Variants in HERC3 observed in about 807,000 individuals in gnomAD.
The protein encoded by HERC3 is probable E3 ubiquitin-protein ligase HERC3.
A neutral mutation model predicts 129.9 loss-of-function variants in HERC3; 58 were observed. The observed-to-expected ratio is 0.45, with a 90% confidence interval of 0.36 to 0.56. The LOEUF is 0.56. Ranked by LOEUF, HERC3 falls within the 20% of genes least tolerant of loss-of-function variation. The pLI, the probability that HERC3 is intolerant of heterozygous loss-of-function variation, is 0.00. For synonymous variants in HERC3, 430 were observed against 451.0 expected, an observed-to-expected ratio of 0.95 and a Z score of 0.59; for missense variants, 835 against 1,244.2, an observed-to-expected ratio of 0.67 and a Z score of 4.95.
At chr4:88,585,160 T>C in the HERC3 span, among the ~76,000 whole-genome samples, 2 of 152,208 alleles carry the variant, frequency 1.3e-5, no homozygotes, top group Non-Finnish European at 2.9e-5. Flanking sequence ...ATGTGGGCAC[T>C]AATTCTAGTC....
chr4:88,523,945 C>T, the HERC3 span: 6 of 487,986 alleles, frequency 1.2e-5, no homozygotes, highest in Admixed American at 4.1e-5. Flanking sequence ...GAGTGCCCCG[C>T]CGCCTTACCA....
the HERC3 span, among the ~76,000 whole-genome samples, chr4:88,533,282 G>T: frequency 6.6e-6 from 1 of 152,104 alleles, no homozygotes; most frequent in East Asian, 1.9e-4. Flanking sequence ...TGATTGGATG[G>T]TGCCCACCCA....
At chr4:88,640,643 G>A (rs1444669359) in intron 3 of HERC3, among the ~76,000 whole-genome samples, 1 of 152,016 alleles carries the variant, frequency 6.6e-6, no homozygotes, top group Non-Finnish European at 1.5e-5. Flanking sequence ...ACAAGTGACG[G>A]GTTAATAGGT....
the HERC3 span, among the ~76,000 whole-genome samples, chr4:88,551,304 G>C: frequency 2.0e-5 from 3 of 150,464 alleles, no homozygotes; most frequent in Admixed American, 2.0e-4. Context: ...AAACTAAAGA[G>C]CTTCTGCACA....
intron 21 of HERC3, among the ~76,000 whole-genome samples, chr4:88,686,106 A>G (rs1360964914): frequency 6.6e-6 from 1 of 152,208 alleles, no homozygotes; most frequent in Non-Finnish European, 1.5e-5. Flanking sequence ...TGTGCAATGC[A>G]TAACCTCTCA....
the HERC3 span, among the ~76,000 whole-genome samples, chr4:88,551,813 T>A: frequency 6.6e-6 from 1 of 152,188 alleles, no homozygotes; most frequent in African/African-American, 2.4e-5. Flanking sequence ...TAAATCATGC[T>A]GCTATAAAGA....
intron 19 of HERC3, among the ~76,000 whole-genome samples, chr4:88,678,443 C>CACT (rs1732399947): frequency 1.3e-5 from 2 of 152,186 alleles, no homozygotes; most frequent in Non-Finnish European, 2.9e-5. Flanking sequence ...GACTAATTAC[C>CACT]ACTATTAAGC....
intron 3 of HERC3, among the ~76,000 whole-genome samples, chr4:88,614,811 A>G (rs1724722484): frequency 6.6e-6 from 1 of 152,210 alleles, no homozygotes; most frequent in African/African-American, 2.4e-5. Flanking sequence ...TACTCTTACA[A>G]CACAACAAAT....
In HERC3 at chr4:88,704,221, T is replaced by G. The variant is rs1735567656; in HGVS notation, c.2781T>G (p.Pro927=). 6.2e-7 allele frequency: 1 copy of G among 1,613,952 alleles called. No homozygotes were observed. The highest frequency in any genetic ancestry group is 1.1e-5 in the South Asian group (1 of 91,084). ...GCAAAGTACTTGAGCTCTTCCAGCC[T>G]TCAGAACTGAGGGCTATGATGGTGG... The part of the protein sequence containing the change: ...CGGKVLELFQ[P]SELRAMMVGN... The change falls in exon 24 of 26, where the codon CCT becomes CCG. Residue 927 remains proline, a synonymous_variant. Coordinates refer to ENST00000402738, the MANE Select transcript of HERC3 (RefSeq NM_014606.3).
At chr4:88,553,899 G>T in the HERC3 span, among the ~76,000 whole-genome samples, 2 of 152,228 alleles carry the variant, frequency 1.3e-5, no homozygotes, top group Non-Finnish European at 2.9e-5. Context: ...GGCGGAGGTT[G>T]CAGTGAGCAG....
At chr4:88,607,938 G>T (rs1219119149) in intron 3 of HERC3, among the ~76,000 whole-genome samples, 4 of 152,100 alleles carry the variant, frequency 2.6e-5, no homozygotes, top group Admixed American at 6.6e-5. Flanking sequence ...ATAGGTGTTT[G>T]CCCCTTTTTT....
At chr4:88,665,384 G>C (rs1378198993) in intron 12 of HERC3, among the ~76,000 whole-genome samples, 2 of 152,226 alleles carry the variant, frequency 1.3e-5, no homozygotes, top group Non-Finnish European at 2.9e-5. Context: ...GGCTGCTGGT[G>C]TAAGTATTGG....
At chr4:88,591,874 G>A (rs1455338646), upstream of HERC3, among the ~76,000 whole-genome samples, 2 of 151,890 alleles carry the variant, frequency 1.3e-5, no homozygotes, top group Non-Finnish European at 2.9e-5. Flanking sequence ...GCCTCCCCCA[G>A]GCCCGCCTTT....
chr4:88,602,027 G>A lies in HERC3; in HGVS notation c.-29-3768G>A, dbSNP rs1283634682. 3.5e-5 allele frequency among the ~76,000 whole-genome samples: 3 copies of A among 84,704 alleles called. No individual in the cohort carries two copies. The East Asian group carries it at 1.4e-3, about 39-fold the overall frequency. 55.6% of individuals were successfully genotyped at this position (84,704 alleles called of 152,430 possible). A position where few individuals can be genotyped will look rare whatever the true frequency, so the allele number is the denominator to read the frequency against. On this transcript the variant is annotated intron_variant, in intron 2 of 25. Transcript: ENST00000402738. ...GCCGAGATCCCGCCACTGCACTCCAGCCTGGGCGACAGAGCGAGACTCCGT... is the reference window on the plus strand; with the variant it reads ...GCCGAGATCCCGCCACTGCACTCCAACCTGGGCGACAGAGCGAGACTCCGT...
At chr4:88,631,835 C>A (rs1425006106) in intron 3 of HERC3, among the ~76,000 whole-genome samples, 1 of 152,182 alleles carries the variant, frequency 6.6e-6, no homozygotes, top group African/African-American at 2.4e-5. Flanking sequence ...CCCTGAGTTT[C>A]CAGTTCTGGG....
chr4:88,705,122 C>A (rs1194637509), intron 25 of HERC3, among the ~76,000 whole-genome samples: 1 of 152,128 alleles, frequency 6.6e-6, no homozygotes, highest in African/African-American at 2.4e-5. Flanking sequence ...CTGTTTTGGC[C>A]TCCCAAAATG....
the HERC3 span, among the ~76,000 whole-genome samples, chr4:88,533,730 C>T: frequency 3.9e-5 from 6 of 152,282 alleles, no homozygotes; most frequent in South Asian, 1.0e-3. Context: ...TAATCTAGGC[C>T]TCAATGATTT....
chr4:88,615,561 C>G (rs1480765454), intron 3 of HERC3, among the ~76,000 whole-genome samples: 2 of 152,042 alleles, frequency 1.3e-5, no homozygotes, highest in African/African-American at 4.8e-5. Flanking sequence ...AGAGTATTAG[C>G]TAATTATGGA....
the HERC3 span, among the ~76,000 whole-genome samples, chr4:88,585,035 A>G: frequency 1.3e-5 from 2 of 152,232 alleles, no homozygotes; most frequent in African/African-American, 2.4e-5. Context: ...GTTCAAGATC[A>G]AGGCACCAGC....
Sources: allele counts gnomAD v4.1 joint callset (sites outside exome capture counted in the v4.1 genomes callset), GRCh38; gene constraint gnomAD v4.1.1; transcripts MANE v1.5; gene names NCBI Gene and HGNC (gene_info 2026-07-23, HGNC 2026-07-21).